Variants in KNL1 observed in about 807,000 individuals in gnomAD.
KNL1 encodes the protein outer kinetochore KNL1 complex subunit KNL1.
Under a neutral mutation model 201.3 loss-of-function variants are expected in KNL1, and 66 were observed. The ratio of observed to expected loss-of-function variants is 0.33; its 90% CI spans 0.27 to 0.40. KNL1 has a LOEUF of 0.40. Ranked by LOEUF, KNL1 falls within the 10% of genes least tolerant of loss-of-function variation. The probability of loss-of-function intolerance (pLI) is 1.00; values close to 1 mark genes in which losing one functional copy is unlikely to be tolerated. For synonymous variants in KNL1, 895 were observed against 899.2 expected (o/e 1.00, Z 0.08); for missense variants, 2,815 against 2,690.5 (o/e 1.05, Z -1.02).
chr15:40,632,292 G>A (rs889866107), intron 13 of KNL1, among the ~76,000 whole-genome samples: 4 of 147,188 alleles, frequency 2.7e-5, no homozygotes, highest in East Asian at 2.0e-4. Flanking sequence ...GAAAGAAAAC[G>A]TACTCATAGA....
intron 1 of KNL1, among the ~76,000 whole-genome samples, chr15:40,600,403 G>A (rs11855923): frequency 0.38 from 57,893 of 152,062 alleles, 11,253 homozygotes; most frequent in Middle Eastern, 0.47. Flanking sequence ...TTTGAGAATG[G>A]CATGTAATCT....
At chr15:40,630,542 G>A (rs1199149287) in intron 13 of KNL1, among the ~76,000 whole-genome samples, 1 of 152,170 alleles carries the variant, frequency 6.6e-6, no homozygotes, top group African/African-American at 2.4e-5. Context: ...TGTATTTACA[G>A]CCACTTCCCA....
chr15:40,642,836 C>T (rs1893270854), intron 14 of KNL1: 2 of 152,196 alleles, frequency 1.3e-5, no homozygotes, highest in African/African-American at 4.8e-5. Flanking sequence ...CCATGTTGGC[C>T]AGGCTGGTCC....
At chr15:40,659,139 G>A (rs567921888) in intron 24 of KNL1, among the ~76,000 whole-genome samples, 200 bp from the exon 25 acceptor site, 1 of 151,492 alleles carries the variant, frequency 6.6e-6, no homozygotes, top group South Asian at 2.1e-4. Flanking sequence ...TTAGCTGGAT[G>A]TGGTGGCAGG....
chr15:40,651,790 C>A (rs1197447980), intron 20 of KNL1, among the ~76,000 whole-genome samples: 1 of 152,082 alleles, frequency 6.6e-6, no homozygotes, highest in African/African-American at 2.4e-5. Context: ...ATTGCGTAGA[C>A]TTGGTGTTTC....
At position 40,624,646 on chromosome 15, in the gene KNL1, A is replaced by T. The variant is rs1156447715; in HGVS notation, c.4382A>T (p.Asn1461Ile). Reference sequence around the variant, plus strand: ...CCTAAAAAAGGACAGAGTAGTATCAATAAAGAAGAAGTAATACTGTCTAAA... The same window carrying T: ...CCTAAAAAAGGACAGAGTAGTATCATTAAAGAAGAAGTAATACTGTCTAAA... ...PLPKKGQSSI[N>I]KEEVILSKAG... is the part of the protein sequence containing the mutation. The change falls in exon 10 of 26, where the codon AAT becomes ATT. Residue 1461 changes from asparagine to isoleucine, a missense_variant. Coordinates refer to ENST00000399668, the MANE Select transcript of KNL1 (RefSeq NM_144508.5). 6 of 1,613,818 alleles carry T rather than the reference A, an allele frequency of 3.7e-6. No homozygotes were observed. Among genetic ancestry groups the T allele is most frequent in the African/African-American group, 2.7e-5 (2 of 74,926 alleles).
At position 40,622,341 on chromosome 15, in the gene KNL1, CA is replaced by C. The variant is rs1167849976; in HGVS notation, c.2079del (p.Gln693HisfsTer18). ...TAATAGAAATACAGTATCATGGGAA[CA>C]ATCTTTGTTTTCTACCACAAAGCCA... is the stretch of plus-strand genomic sequence containing the variant. Reference protein sequence around the residue: ...ITNRNTVSWEQSLFSTTKPLF... With the variant: ...ITNRNTVSWEXSLFSTTKPLF... On this transcript the variant is annotated frameshift_variant, in exon 10 of 26. Transcript: ENST00000399668. LOFTEE classifies it high-confidence loss of function. 1 of 1,613,754 alleles carries C rather than the reference CA, an allele frequency of 6.2e-7. No individual in the cohort carries two copies. The highest frequency in any genetic ancestry group is 1.3e-5 in the African/African-American group (1 of 74,932).
Position 40,664,280 on chromosome 15 carries a change from T to G in KNL1, c.*2092T>G, listed in dbSNP as rs1893993196. ...AGTTTCATAAATTTTTTGAAAGTTT[T>G]TCTTTCATTGGTTGGAAAGCAGATT... On this transcript the variant is annotated 3_prime_UTR_variant, in exon 26 of 26. Transcript: ENST00000399668. 5.7e-6 allele frequency: 1 copy of G among 176,086 alleles called. No homozygotes were observed. The highest frequency in any genetic ancestry group is 2.4e-5 in the African/African-American group (1 of 42,214). The allele number at this position is 176,086 out of a possible 1,614,324, so 10.9% of individuals were successfully genotyped here.
intron 25 of KNL1, among the ~76,000 whole-genome samples, 184 bp downstream of exon 25, chr15:40,659,645 A>G (rs936910342): frequency 3.3e-5 from 5 of 150,906 alleles, no homozygotes; most frequent in Non-Finnish European, 7.4e-5. Context: ...GGCGCCTGCC[A>G]CCGCACCCGG....
intron 24 of KNL1, among the ~76,000 whole-genome samples, chr15:40,659,103 C>A (rs918546234): frequency 6.6e-5 from 10 of 151,814 alleles, no homozygotes; most frequent in Admixed American, 4.6e-4. Flanking sequence ...ATTGGCGAAA[C>A]CCTGTCTCTA....
chr15:40,621,189 AATG>A lies in KNL1; in HGVS notation c.928_930del (p.Asp310del), dbSNP rs751995915. On this transcript the variant is annotated inframe_deletion, in exon 10 of 26. Transcript: ENST00000399668. ...GACCAACTCACGGGAATCTAAAGGT[AATG>A]ATATTACAATTTATGGCAATGACTT... 2.5e-6 allele frequency: 4 copies of A among 1,612,564 alleles called. No homozygotes were observed. The highest frequency in any genetic ancestry group is 3.4e-6 in the Non-Finnish European group (4 of 1,179,164).
intron 13 of KNL1, among the ~76,000 whole-genome samples, chr15:40,634,348 G>C (rs548874493): frequency 6.6e-6 from 1 of 152,014 alleles, no homozygotes; most frequent in Admixed American, 6.5e-5. Context: ...CTCGTGACCC[G>C]CCCACCTCAG....
chr15:40,600,746 A>AT (rs1349556389), intron 1 of KNL1, among the ~76,000 whole-genome samples: 2 of 152,114 alleles, frequency 1.3e-5, no homozygotes, highest in Admixed American at 1.3e-4. Context: ...CTGCAGTGGC[A>AT]TTTTTTTCTT....
At chr15:40,613,377 C>A (rs1200356823) in intron 7 of KNL1, among the ~76,000 whole-genome samples, 2 of 151,898 alleles carry the variant, frequency 1.3e-5, no homozygotes, top group African/African-American at 4.8e-5. Flanking sequence ...GAGAAAAGAA[C>A]CTTGCTATAG....
rs1893265236 is a variant in KNL1 at position 40,642,650 on chromosome 15, CAG to C, written c.5798+1626_5798+1627del. Among the ~76,000 whole-genome samples the C allele has an allele frequency of 1.3e-5, 2 of 152,104 alleles. 1 individual carries two copies. The highest frequency in any genetic ancestry group is 2.9e-5 in the Non-Finnish European group (2 of 68,012). Reference sequence around the variant, plus strand: ...TGTTTCTTTGTTTATTTTAATGAGACAGAGTCTCGCTCTGTTGCCCAGGCTGG... The same window carrying C: ...TGTTTCTTTGTTTATTTTAATGAGACAGTCTCGCTCTGTTGCCCAGGCTGG... On this transcript the variant is annotated intron_variant, in intron 14 of 25. Transcript: ENST00000399668.
chr15:40,607,361 A>T (rs76928222), intron 4 of KNL1, among the ~76,000 whole-genome samples: 1,912 of 152,272 alleles, frequency 0.013, 34 homozygotes, highest in African/African-American at 0.044. Flanking sequence ...TGTTAGTCCC[A>T]GTGTTTACCA....
intron 1 of KNL1, among the ~76,000 whole-genome samples, chr15:40,595,602 CTG>C (rs981371433): frequency 3.9e-5 from 6 of 152,170 alleles, no homozygotes; most frequent in Non-Finnish European, 7.3e-5. Flanking sequence ...AAATAATAGA[CTG>C]TAAAAGATAC....
At position 40,625,113 on chromosome 15, in the gene KNL1, G is replaced by C. The variant is rs367957296; in HGVS notation, c.4849G>C (p.Asp1617His). ...NINIISSNAK[D>H]SRDEENKKSH... ...TAACATAATCTCCAGCAATGCTAAAGATAGTAGAGATGAGGAAAATAAAAA... is the reference window on the plus strand; with the variant it reads ...TAACATAATCTCCAGCAATGCTAAACATAGTAGAGATGAGGAAAATAAAAA... Residue 1617 changes from aspartate to histidine, a missense_variant, in exon 10 of 26, where the codon GAT (aspartate) becomes CAT (histidine). By Grantham distance (81) the Asp-to-His change is moderately conservative. Coordinates refer to ENST00000399668, the MANE Select transcript of KNL1 (RefSeq NM_144508.5). 1 of 1,613,982 alleles carries C rather than the reference G, an allele frequency of 6.2e-7. No individual in the cohort carries two copies. Among genetic ancestry groups the C allele is most frequent in the African/African-American group, 1.3e-5 (1 of 75,038 alleles).
At chr15:40,595,026 C>T (rs1891583151) in intron 1 of KNL1, among the ~76,000 whole-genome samples, 1 of 152,170 alleles carries the variant, frequency 6.6e-6, no homozygotes, top group Non-Finnish European at 1.5e-5. Context: ...TATTTAAATA[C>T]TCAAGTTTGA....
Sources: gnomAD v4.1 joint callset for allele counts (sites outside exome capture counted in the v4.1 genomes callset) on GRCh38, gnomAD v4.1.1 for gene constraint, MANE v1.5 for transcripts, NCBI Gene and HGNC (gene_info 2026-07-23, HGNC 2026-07-21) for gene names.